Variants in KCNG3 observed in about 807,000 individuals in gnomAD.
KCNG3 encodes potassium voltage-gated channel modifier subfamily G member 3.
In KCNG3, 15 loss-of-function variants were observed where a neutral mutation model predicts 29.0. The observed-to-expected ratio is 0.52, with a 90% CI of 0.35 to 0.80. KCNG3 has a LOEUF of 0.80. Ranked by LOEUF, KCNG3 falls within the 30% of genes least tolerant of loss-of-function variation. The probability of loss-of-function intolerance (pLI) is 0.01; values close to 1 mark genes in which losing one functional copy is unlikely to be tolerated. For synonymous variants in KCNG3, 322 were observed against 248.9 expected (o/e 1.29, Z -2.76); for missense variants, 512 against 605.7 (o/e 0.85, Z 1.62).
At chr2:42,415,611 T>C in the KCNG3 span, 1 of 152,234 alleles carries the variant, frequency 6.6e-6, no homozygotes, top group Non-Finnish European at 1.5e-5. Flanking sequence ...GCATTAAGAC[T>C]TGGAAGTTGT....
chr2:42,459,877 G>A (rs1186625592), intron 1 of KCNG3, among the ~76,000 whole-genome samples: 1 of 152,062 alleles, frequency 6.6e-6, no homozygotes, highest in South Asian at 2.1e-4. Context: ...TCGGGAGGCT[G>A]AGGCAGGAGA....
At chr2:42,480,241 G>GAA in intron 1 of KCNG3, among the ~76,000 whole-genome samples, 1 of 152,176 alleles carries the variant, frequency 6.6e-6, no homozygotes, top group Non-Finnish European at 1.5e-5. Flanking sequence ...TAGAAGACTA[G>GAA]AATCAGGCAT....
At chr2:42,451,016 C>A (rs1440898591) in intron 1 of KCNG3, among the ~76,000 whole-genome samples, 1 of 150,998 alleles carries the variant, frequency 6.6e-6, no homozygotes, top group East Asian at 2.0e-4. Flanking sequence ...ACCAGCCTGG[C>A]CAACATGGTG....
intron 1 of KCNG3, among the ~76,000 whole-genome samples, chr2:42,453,656 G>A (rs1672815386): frequency 6.6e-6 from 1 of 152,008 alleles, no homozygotes; most frequent in Non-Finnish European, 1.5e-5. Flanking sequence ...CATTCTGTGG[G>A]TTGTCTCTTC....
chr2:42,458,332 G>T (rs138604298), intron 1 of KCNG3, among the ~76,000 whole-genome samples: 67 of 152,226 alleles, frequency 4.4e-4, no homozygotes, highest in African/African-American at 1.6e-3. Flanking sequence ...ACAGGAACAT[G>T]CGCCCTTGCC....
chr2:42,490,363 G>C (rs1673842111), intron 1 of KCNG3, among the ~76,000 whole-genome samples: 1 of 152,072 alleles, frequency 6.6e-6, no homozygotes, highest in South Asian at 2.1e-4. Context: ...ATCACCTGAG[G>C]TCAGGAGTTC....
intron 1 of KCNG3, among the ~76,000 whole-genome samples, chr2:42,472,784 C>T (rs1005602962): frequency 3.5e-5 from 5 of 144,532 alleles, no homozygotes; most frequent in Admixed American, 6.9e-5. Flanking sequence ...ACAGGCTCAA[C>T]GATATATCTA....
the KCNG3 span, among the ~76,000 whole-genome samples, chr2:42,426,008 T>C: frequency 6.6e-6 from 1 of 152,238 alleles, no homozygotes; most frequent in African/African-American, 2.4e-5. Flanking sequence ...TCATTAACTA[T>C]TCAAATGTTC....
the KCNG3 span, among the ~76,000 whole-genome samples, chr2:42,393,791 T>C: frequency 3.3e-5 from 5 of 151,836 alleles, no homozygotes; most frequent in Admixed American, 6.6e-5. Flanking sequence ...TCCCCCTTTT[T>C]TTTTCTCGAG....
the KCNG3 span, among the ~76,000 whole-genome samples, chr2:42,408,094 CCTCTGGA>C: frequency 5.3e-5 from 8 of 152,340 alleles, no homozygotes; most frequent in East Asian, 1.5e-3. Context: ...ACCTTGGCCC[CCTCTGGA>C]CTTTGGGTGC....
downstream of KCNG3, among the ~76,000 whole-genome samples, chr2:42,441,779 A>G (rs570156415): frequency 6.7e-6 from 1 of 150,166 alleles, no homozygotes; most frequent in Admixed American, 6.7e-5. Context: ...GTATGTATAA[A>G]ATATATATAT....
chr2:42,396,269 G>A, the KCNG3 span, among the ~76,000 whole-genome samples: 3 of 152,134 alleles, frequency 2.0e-5, no homozygotes, highest in African/African-American at 7.2e-5. Flanking sequence ...GTATTTATAC[G>A]TGAAGCATCT....
downstream of KCNG3, among the ~76,000 whole-genome samples, chr2:42,439,821 T>C (rs1386551498): frequency 6.6e-6 from 1 of 151,078 alleles, no homozygotes; most frequent in African/African-American, 2.4e-5. Context: ...TTTTATATTT[T>C]CAGTAGAGAT....
the KCNG3 span, among the ~76,000 whole-genome samples, chr2:42,426,646 A>G: frequency 6.6e-6 from 1 of 152,334 alleles, no homozygotes; most frequent in Admixed American, 6.5e-5. Context: ...CAACACACAC[A>G]TATTATTTTT....
At chr2:42,428,047 T>C in the KCNG3 span, among the ~76,000 whole-genome samples, 1 of 152,238 alleles carries the variant, frequency 6.6e-6, no homozygotes, top group African/African-American at 2.4e-5. Flanking sequence ...TTTTTAATTA[T>C]TAAATAGTCT....
At chr2:42,478,983 G>C (rs867385625) in intron 1 of KCNG3, among the ~76,000 whole-genome samples, 1 of 147,954 alleles carries the variant, frequency 6.8e-6, no homozygotes. Flanking sequence ...TTGGATTTTG[G>C]AGTATTTGCA....
chr2:42,469,651 T>C (rs191101236), intron 1 of KCNG3, among the ~76,000 whole-genome samples: 1 of 152,194 alleles, frequency 6.6e-6, no homozygotes, highest in Admixed American at 6.5e-5. Flanking sequence ...TTTATAAATA[T>C]ATTTAAAACT....
At chr2:42,482,497 G>C (rs1673613171) in intron 1 of KCNG3, among the ~76,000 whole-genome samples, 1 of 151,980 alleles carries the variant, frequency 6.6e-6, no homozygotes, top group Non-Finnish European at 1.5e-5. Flanking sequence ...GGCCAAGGTG[G>C]GTGGATCACA....
chr2:42,441,486 C>G (rs938445750), downstream of KCNG3, among the ~76,000 whole-genome samples: 1 of 152,062 alleles, frequency 6.6e-6, no homozygotes, highest in Non-Finnish European at 1.5e-5. Flanking sequence ...TCCATGAAGA[C>G]AAAACCCTAA....
Sources: allele counts gnomAD v4.1 joint callset (sites outside exome capture counted in the v4.1 genomes callset), GRCh38; gene constraint gnomAD v4.1.1; transcripts MANE v1.5; gene names NCBI Gene and HGNC (gene_info 2026-07-23, HGNC 2026-07-21).